The following NAV3 variants were observed in gnomAD, a reference collection of about 807,000 sequenced individuals.
The protein encoded by NAV3 is pore membrane and/or filament interacting like protein 1.
NAV3 carries 87 observed loss-of-function variants against 244.7 expected under a neutral mutation model. The observed-to-expected ratio is 0.36, with a 90% CI of 0.30 to 0.42. The LOEUF is 0.42. NAV3 is among the 20% of genes least tolerant of loss of function. The pLI, the probability that NAV3 is intolerant of heterozygous loss-of-function variation, is 1.00. For synonymous variants in NAV3, 1,126 were observed against 1,042.2 expected, an observed-to-expected ratio of 1.08 and a Z score of -1.55; for missense variants, 2,663 against 2,893.3, an observed-to-expected ratio of 0.92 and a Z score of 1.83.
In NAV3 at chr12:78,122,294, C is replaced by A. The variant is rs777741594; in HGVS notation, c.4104C>A (p.Ser1368Arg). 6.2e-7 allele frequency: 1 copy of A among 1,614,176 alleles called. No individual in the cohort carries two copies. The highest frequency in any genetic ancestry group is 8.5e-7 in the Non-Finnish European group (1 of 1,180,030). Residue 1368 changes from serine to arginine, a missense_variant, in exon 16 of 40, where the codon AGC becomes AGA. This residue lies in a region of NAV3 where 354 missense variants were observed against 413.0 expected (regional missense o/e 0.86). Coordinates refer to ENST00000397909, the MANE Select transcript of NAV3 (RefSeq NM_001024383.2). ...KDTPSYQSMTSLHTSSESIDL... is the reference protein window; with the variant it reads ...KDTPSYQSMTRLHTSSESIDL... ...CTCCGAGCTACCAGTCCATGACTAG[C>A]CTCCACACGAGCTCTGAGTCCATTG...
At chr12:77,940,658 C>T (rs1364451968) in intron 2 of NAV3, among the ~76,000 whole-genome samples, 1 of 152,196 alleles carries the variant, frequency 6.6e-6, no homozygotes, top group Non-Finnish European at 1.5e-5. Context: ...CATAAACTTG[C>T]TAACCTTTAT....
rs367894846 is a variant in NAV3, at chr12:78,016,162, C to A, written c.1908-5585C>A. On this transcript the variant is annotated intron_variant, in intron 8 of 39. Transcript: ENST00000397909. ...TCTTTTCTTTAAGGAACTTGTATGT[C>A]TTTTTGTATAGGGTGATTTTAGAAA... Among the ~76,000 whole-genome samples, 10 of 151,672 alleles carry A rather than the reference C, an allele frequency of 6.6e-5. No homozygotes were observed. The South Asian group carries it at 2.1e-3, about 32-fold the overall frequency.
chr12:77,635,776 TA>T (rs953291622), intron 2 of NAV3, among the ~76,000 whole-genome samples: 1 of 151,946 alleles, frequency 6.6e-6, no homozygotes, highest in East Asian at 1.9e-4. Flanking sequence ...TTTAATCTTC[TA>T]AAAAAAACCG....
rs144242241 is a variant in NAV3, at chr12:77,802,310, G to A, written c.73-138009G>A. Among the ~76,000 whole-genome samples the A allele has an allele frequency of 2.9e-3, 434 of 152,274 alleles. 1 individual carries two copies. The highest frequency in any genetic ancestry group is 9.9e-3 in the African/African-American group (412 of 41,552). The stretch of plus-strand genomic sequence containing the variant: ...GGACAGGAACTGGCAAAAGAGACAC[G>A]AGTAACTTTCTAAAGCAATATAATT... On this transcript the variant is annotated intron_variant, in intron 2 of 8. Coordinates refer to the NAV3 transcript ENST00000550042.
chr12:77,741,396 T>TAC (rs796326898), intron 2 of NAV3, among the ~76,000 whole-genome samples: 1 of 151,998 alleles, frequency 6.6e-6, no homozygotes, highest in Non-Finnish European at 1.5e-5. Flanking sequence ...ACATTTTACA[T>TAC]ACACACACAC....
At chr12:77,928,628 C>T (rs190400897) in intron 1 of NAV3, among the ~76,000 whole-genome samples, 9 of 152,274 alleles carry the variant, frequency 5.9e-5, no homozygotes, top group Non-Finnish European at 1.2e-4. Context: ...GTGTTATGGC[C>T]TCAGCTTTTT....
Position 78,006,611 on chromosome 12 carries a change from C to T in NAV3, c.1073C>T (p.Ser358Phe), listed in dbSNP as rs1874265532. The T allele has an allele frequency of 1.9e-6, 3 of 1,614,092 alleles. No individual in the cohort carries two copies. The highest frequency in any genetic ancestry group is 2.5e-6 in the Non-Finnish European group (3 of 1,180,024). Residue 358 changes from serine (S) to phenylalanine (F), a missense_variant, in exon 8 of 40, where the codon TCC (serine) becomes TTC (phenylalanine). Around this residue, in one of 6 missense-constraint regions of NAV3, gnomAD observed 1,521 missense variants for 1,497.0 expected, o/e 1.02. Transcript: ENST00000397909. ...GTAAAGCAGTCAAGTACAGCCACCT[C>T]CCCCACACCATCTTCAGACAGACTG... ...LTVKQSSTAT[S>F]PTPSSDRLKP...
intron 2 of NAV3, among the ~76,000 whole-genome samples, chr12:77,600,997 T>G (rs1870405091): frequency 1.3e-5 from 2 of 152,018 alleles, no homozygotes; most frequent in Admixed American, 6.6e-5. Flanking sequence ...CTATCTCTAC[T>G]GATCACTCAA....
At chr12:77,864,906 A>G (rs983300180) in intron 1 of NAV3, among the ~76,000 whole-genome samples, 3 of 151,990 alleles carry the variant, frequency 2.0e-5, no homozygotes, top group African/African-American at 7.2e-5. Context: ...GTCAGTAAAT[A>G]CCTATTCAAA....
At chr12:77,811,765 A>C (rs374433064) in intron 2 of NAV3, among the ~76,000 whole-genome samples, 1 of 152,236 alleles carries the variant, frequency 6.6e-6, no homozygotes, top group African/African-American at 2.4e-5. Context: ...AAAGAAGTGG[A>C]TAGGTGGAAA....
At chr12:78,049,187 C>G (rs536990176) in intron 9 of NAV3, among the ~76,000 whole-genome samples, 2 of 152,284 alleles carry the variant, frequency 1.3e-5, no homozygotes, top group Admixed American at 1.3e-4. Context: ...AGCTAGACCA[C>G]TTAGCTCCCT....
Position 77,986,276 on chromosome 12 carries a change from C to T in NAV3, c.672-8527C>T, listed in dbSNP as rs377213235. 3.9e-5 allele frequency among the ~76,000 whole-genome samples: 6 copies of T among 152,258 alleles called. No individual in the cohort carries two copies. The South Asian group carries it at 1.0e-3, about 26-fold the overall frequency. On this transcript the variant is annotated intron_variant, in intron 5 of 39. Transcript: ENST00000397909. ...ACTTGGGAGGCTGAGGCAGGAGAATCGCTTGAACCTGAGAGGTGGAGGTTG... is the reference window on the plus strand; with the variant it reads ...ACTTGGGAGGCTGAGGCAGGAGAATTGCTTGAACCTGAGAGGTGGAGGTTG...
chr12:77,919,345 A>T (rs1392220118), intron 1 of NAV3, among the ~76,000 whole-genome samples: 1 of 152,038 alleles, frequency 6.6e-6, no homozygotes, highest in East Asian at 1.9e-4. Flanking sequence ...ATGTGAATTG[A>T]TATATTTAGA....
At chr12:77,793,639 C>A (rs1307904424) in intron 2 of NAV3, among the ~76,000 whole-genome samples, 1 of 152,310 alleles carries the variant, frequency 6.6e-6, no homozygotes, top group East Asian at 1.9e-4. Flanking sequence ...CATGTCCCTG[C>A]AAAGGATATG....
At chr12:77,647,240 T>G (rs1245156177) in intron 2 of NAV3, among the ~76,000 whole-genome samples, 1 of 152,156 alleles carries the variant, frequency 6.6e-6, no homozygotes, top group Non-Finnish European at 1.5e-5. Context: ...GCTAAGCATG[T>G]AACTTATTTA....
At chr12:77,936,017 G>T (rs1889291173) in intron 1 of NAV3, among the ~76,000 whole-genome samples, 1 of 152,150 alleles carries the variant, frequency 6.6e-6, no homozygotes, top group Admixed American at 6.6e-5. Flanking sequence ...GGGACACAGA[G>T]CTAAACCGTA....
At chr12:77,838,621 A>T (rs1378086676) in intron 1 of NAV3, among the ~76,000 whole-genome samples, 1 of 152,170 alleles carries the variant, frequency 6.6e-6, no homozygotes, top group Non-Finnish European at 1.5e-5. Context: ...GACTCTAAAT[A>T]TATTGTTTAT....
intron 1 of NAV3, among the ~76,000 whole-genome samples, chr12:77,877,510 G>A (rs147878506): frequency 1.5e-3 from 225 of 152,176 alleles, no homozygotes; most frequent in African/African-American, 4.9e-3. Flanking sequence ...AAAAAAGTAG[G>A]TTTATAGATA....
At chr12:77,718,346 T>C (rs984089803) in intron 2 of NAV3, among the ~76,000 whole-genome samples, 1 of 152,182 alleles carries the variant, frequency 6.6e-6, no homozygotes, top group Non-Finnish European at 1.5e-5. Flanking sequence ...TTCACCATTA[T>C]GTAGCCTTGA....
Sources: allele counts gnomAD v4.1 joint callset (sites outside exome capture counted in the v4.1 genomes callset), GRCh38; gene constraint gnomAD v4.1.1; regional missense constraint gnomAD v4.1.1; transcripts MANE v1.5; gene names NCBI Gene and HGNC (gene_info 2026-07-23, HGNC 2026-07-21).